Variants in NLGN1 observed in about 807,000 individuals in gnomAD.
NLGN1 encodes the protein neuroligin 1, also known as neuroligin-1.
In NLGN1, 12 loss-of-function variants were observed where a neutral mutation model predicts 65.5. That is an observed-to-expected ratio of 0.18 (90% CI 0.12 to 0.30). The LOEUF (loss-of-function observed/expected upper bound fraction) is 0.30, where lower values mean the gene tolerates loss of function less well. Ranked by LOEUF, NLGN1 falls within the 10% of genes least tolerant of loss-of-function variation. NLGN1 has a pLI of 1.00. For synonymous variants in NLGN1, 350 were observed against 359.5 expected, an observed-to-expected ratio of 0.97 and a Z score of 0.30; for missense variants, 750 against 1,007.1, an observed-to-expected ratio of 0.74 and a Z score of 3.46.
At chr3:173,969,895 G>A (rs1342148257) in intron 4 of NLGN1, among the ~76,000 whole-genome samples, 1 of 151,418 alleles carries the variant, frequency 6.6e-6, no homozygotes, top group African/African-American at 2.4e-5. Flanking sequence ...ATTTCTGCAT[G>A]GAGAAGATAT....
chr3:173,953,543 TTAC>T (rs1748634059), intron 4 of NLGN1, among the ~76,000 whole-genome samples: 2 of 151,776 alleles, frequency 1.3e-5, no homozygotes, highest in African/African-American at 4.9e-5. Flanking sequence ...ATATACTTAC[TTAC>T]TTATTTATTT....
chr3:174,260,609 T>C (rs1264854), intron 4 of NLGN1, among the ~76,000 whole-genome samples: 68,167 of 113,162 alleles, frequency 0.6, 22,899 homozygotes, highest in African/African-American at 0.75. Flanking sequence ...GAGTAGGTTG[T>C]GAAAATTTTC....
At chr3:174,085,036 T>C (rs1742976136) in intron 4 of NLGN1, among the ~76,000 whole-genome samples, 1 of 152,040 alleles carries the variant, frequency 6.6e-6, no homozygotes, top group Non-Finnish European at 1.5e-5. Context: ...TTCTCATATT[T>C]AAAATATATT....
rs551932758 is a variant in NLGN1 at position 173,457,343 on chromosome 3, G to A, written c.-321+22265G>A. ...GCACAGTTGCTGCATGTGGTTGTGC[G>A]GATTTTGAACCACATAAGTGTAGGG... is the stretch of plus-strand genomic sequence containing the variant. On this transcript the variant is annotated intron_variant, in intron 2 of 6. Coordinates refer to ENST00000457714, the Ensembl canonical transcript of NLGN1. Among the ~76,000 whole-genome samples, 37 of 152,164 alleles carry A rather than the reference G, an allele frequency of 2.4e-4. No homozygotes were observed. In the South Asian group the frequency reaches 6.2e-3, roughly 26 times the overall value.
exon 7 of NLGN1, chr3:174,281,002 A>G (rs1751438614): frequency 1.2e-6 from 2 of 1,613,232 alleles, no homozygotes; most frequent in Non-Finnish European, 1.7e-6. Context: ...GATCTAACCC[A>G]TGCACAAGAA....
intron 4 of NLGN1, among the ~76,000 whole-genome samples, chr3:173,871,034 G>A (rs984288607): frequency 1.2e-4 from 18 of 152,136 alleles, no homozygotes; most frequent in African/African-American, 1.2e-4. Context: ...CCCACTATCC[G>A]ATTCTCCAGG....
At chr3:174,260,366 T>C (rs1315615816) in intron 4 of NLGN1, among the ~76,000 whole-genome samples, 7 of 149,862 alleles carry the variant, frequency 4.7e-5, no homozygotes, top group Non-Finnish European at 8.9e-5. Flanking sequence ...GACTTTTTAA[T>C]GATTGCCATT....
chr3:173,717,021 A>G (rs1769973626), intron 3 of NLGN1, among the ~76,000 whole-genome samples: 1 of 152,166 alleles, frequency 6.6e-6, no homozygotes, highest in Admixed American at 6.5e-5. Context: ...ATTACAAGTT[A>G]CTTTTTATTA....
intron 2 of NLGN1, among the ~76,000 whole-genome samples, chr3:173,497,339 G>A (rs1302372247): frequency 2.6e-5 from 4 of 151,240 alleles, no homozygotes; most frequent in East Asian, 1.9e-4. Flanking sequence ...AGTGAGCCAA[G>A]AGCATGCCAC....
At chr3:173,604,683 T>G in exon 3 of NLGN1, 1 of 1,613,742 alleles carries the variant, frequency 6.2e-7, no homozygotes, top group Non-Finnish European at 8.5e-7. Flanking sequence ...GGGTGCCCCA[T>G]TGACTCTCTG....
chr3:174,072,487 C>G (rs1177560944), intron 4 of NLGN1, among the ~76,000 whole-genome samples: 1 of 152,092 alleles, frequency 6.6e-6, no homozygotes, highest in African/African-American at 2.4e-5. Flanking sequence ...AATATAGACT[C>G]AGGAGTTTTA....
At chr3:173,925,960 C>T (rs950884355) in intron 4 of NLGN1, among the ~76,000 whole-genome samples, 6 of 151,912 alleles carry the variant, frequency 3.9e-5, no homozygotes, top group Non-Finnish European at 8.8e-5. Context: ...ACATGCCATT[C>T]AAAACTTCTT....
chr3:174,053,134 C>T (rs1735291732), intron 4 of NLGN1, among the ~76,000 whole-genome samples: 1 of 151,750 alleles, frequency 6.6e-6, no homozygotes, highest in Non-Finnish European at 1.5e-5. Context: ...AGAAAGTACC[C>T]CCAAAATGAA....
chr3:173,549,841 T>G (rs558139091), intron 2 of NLGN1, among the ~76,000 whole-genome samples: 1 of 152,198 alleles, frequency 6.6e-6, no homozygotes, highest in East Asian at 1.9e-4. Context: ...CATCCAACAT[T>G]GCTCACTCTA....
At chr3:173,566,079 G>T (rs943997181) in intron 2 of NLGN1, among the ~76,000 whole-genome samples, 2 of 152,206 alleles carry the variant, frequency 1.3e-5, no homozygotes, top group African/African-American at 4.8e-5. Context: ...CCTATACGGA[G>T]TGAGGTATTG....
At chr3:174,277,166 T>C (rs973789994) in intron 5 of NLGN1, among the ~76,000 whole-genome samples, 1 of 151,880 alleles carries the variant, frequency 6.6e-6, no homozygotes, top group Admixed American at 6.6e-5. Context: ...CCTAAACCTG[T>C]CTCCAAACTA....
intron 2 of NLGN1, among the ~76,000 whole-genome samples, chr3:173,539,774 A>C (rs1284321380): frequency 4.8e-5 from 6 of 124,030 alleles, no homozygotes; most frequent in African/African-American, 1.5e-4. Context: ...TACATATATA[A>C]CACATATATA....
chr3:174,274,527 CCCT>C (rs1054945954), intron 4 of NLGN1, among the ~76,000 whole-genome samples: 12 of 151,658 alleles, frequency 7.9e-5, no homozygotes, highest in African/African-American at 2.9e-4. Context: ...TTTTCTCTCC[CCCT>C]CATTTTCAGA....
intron 4 of NLGN1, among the ~76,000 whole-genome samples, chr3:173,946,837 A>G (rs1407852682): frequency 2.0e-5 from 3 of 152,134 alleles, no homozygotes; most frequent in East Asian, 1.9e-4. Flanking sequence ...AATGCTTGTC[A>G]TATGTTTAAT....
Sources: gnomAD v4.1 joint callset for allele counts (sites outside exome capture counted in the v4.1 genomes callset) on GRCh38, gnomAD v4.1.1 for gene constraint, MANE v1.5 for transcripts, NCBI Gene and HGNC (gene_info 2026-07-23, HGNC 2026-07-21) for gene names.